The following ZNRF3 variants were observed in gnomAD, a reference collection of about 807,000 sequenced individuals.
ZNRF3 encodes the protein zinc and ring finger 3, also known as E3 ubiquitin-protein ligase ZNRF3.
Under a neutral mutation model 72.5 loss-of-function variants are expected in ZNRF3, and 23 were observed. The ratio of observed to expected loss-of-function variants is 0.32; its 90% CI spans 0.23 to 0.45. The LOEUF (loss-of-function observed/expected upper bound fraction) is 0.45. Among genes scored for constraint, ZNRF3 ranks in the 20% least tolerant of loss-of-function variants. The pLI, the probability that ZNRF3 is intolerant of heterozygous loss-of-function variation, is 1.00. For synonymous variants in ZNRF3, 610 were observed against 545.3 expected, an observed-to-expected ratio of 1.12 and a Z score of -1.65; for missense variants, 1,169 against 1,272.1, an observed-to-expected ratio of 0.92 and a Z score of 1.23.
At chr22:28,995,222 A>G (rs765689767) in intron 2 of ZNRF3, among the ~76,000 whole-genome samples, 6 of 152,076 alleles carry the variant, frequency 3.9e-5, no homozygotes, top group Non-Finnish European at 8.8e-5. Flanking sequence ...TCACGAGGTC[A>G]GGAGAGCCAG....
At chr22:28,974,486 C>T (rs1459041171) in intron 1 of ZNRF3, among the ~76,000 whole-genome samples, 1 of 152,122 alleles carries the variant, frequency 6.6e-6, no homozygotes, top group Non-Finnish European at 1.5e-5. Flanking sequence ...CTGTTCCTTG[C>T]CTGGTGTCCA....
At chr22:28,898,689 T>G (rs2034046093) in intron 1 of ZNRF3, among the ~76,000 whole-genome samples, 1 of 152,224 alleles carries the variant, frequency 6.6e-6, no homozygotes, top group Non-Finnish European at 1.5e-5. Context: ...CCCCCTATAT[T>G]TTTTTCCCTT....
intron 2 of ZNRF3, among the ~76,000 whole-genome samples, chr22:28,988,914 G>A (rs145895077): frequency 2.2e-4 from 33 of 152,248 alleles, no homozygotes; most frequent in Non-Finnish European, 2.2e-4. Flanking sequence ...ATGGTTTAGC[G>A]GTGGGGAAAC....
intron 2 of ZNRF3, among the ~76,000 whole-genome samples, chr22:29,000,781 CT>C (rs2036127659): frequency 6.6e-6 from 1 of 152,078 alleles, no homozygotes; most frequent in Non-Finnish European, 1.5e-5. Flanking sequence ...AAAGGGGGAG[CT>C]GGTGTATCAC....
chr22:28,885,590 T>TAAAAAAAAAAAAAA (rs34201242), intron 1 of ZNRF3, among the ~76,000 whole-genome samples: 1 of 102,744 alleles, frequency 9.7e-6, no homozygotes, highest in African/African-American at 3.5e-5. Context: ...TACAGCCTTC[T>TAAAAAAAAAAAAAA]AAAAAAAAAA....
chr22:29,006,845 G>T (rs1040422910), intron 2 of ZNRF3, among the ~76,000 whole-genome samples: 3 of 152,190 alleles, frequency 2.0e-5, no homozygotes, highest in Non-Finnish European at 4.4e-5. Context: ...CATTTTAAGG[G>T]TAGGTTTTGA....
rs182232176 is a variant in ZNRF3 at position 28,944,785 on chromosome 22, G to A, written c.301-42291G>A. Among the ~76,000 whole-genome samples, 1,208 of 150,582 alleles carry A rather than the reference G, an allele frequency of 8.0e-3. 17 individuals carry two copies. The highest frequency in any genetic ancestry group is 0.026 in the African/African-American group (1,082 of 41,008). ...AAAAAAAAAAAAAAGATTAGCGGGG[G>A]TATGGTGGCACACACCTGTAGTCCC... On this transcript the variant is annotated intron_variant, in intron 1 of 8. Coordinates refer to ENST00000544604, the MANE Select transcript of ZNRF3 (RefSeq NM_001206998.2).
chr22:29,047,715 T>C (rs1276571255), intron 6 of ZNRF3, among the ~76,000 whole-genome samples: 2 of 152,206 alleles, frequency 1.3e-5, no homozygotes, highest in Non-Finnish European at 2.9e-5. Context: ...GCTGGAATAT[T>C]ACTGTACTAG....
At chr22:29,046,433 G>A (rs918435755) in intron 5 of ZNRF3, among the ~76,000 whole-genome samples, 2 of 152,210 alleles carry the variant, frequency 1.3e-5, no homozygotes, top group Non-Finnish European at 2.9e-5. Context: ...GCAGAGTTAG[G>A]AGGCAGCAGG....
Position 29,049,542 on chromosome 22 carries a change from G to C in ZNRF3, c.1361G>C (p.Arg454Pro), listed in dbSNP as rs761341292. The change falls in exon 8 of 9, where the codon CGC (arginine) becomes CCC (proline). Residue 454 changes from arginine (R) to proline (P), a missense_variant. This residue lies in a region of ZNRF3 where 783 missense variants were observed against 731.4 expected (regional missense o/e 1.07). Transcript: ENST00000544604. This position sits in a 1 kb window ranked among gnomAD's most constrained non-coding sequence, Gnocchi z 5.2. ...TTCCGCAGGCCCAAGTTGAGTGGCC[G>C]CAGCTTCTCCAAGGCAGCTTGCTTC... The part of the protein sequence containing the change: ...HPFRRPKLSG[R>P]SFSKAACFSQ... 1 of 1,604,130 alleles carries C rather than the reference G, an allele frequency of 6.2e-7. No individual in the cohort carries two copies. The highest frequency in any genetic ancestry group is 8.5e-7 in the Non-Finnish European group (1 of 1,177,836).
intron 2 of ZNRF3, among the ~76,000 whole-genome samples, chr22:29,003,463 G>A (rs1044876645): frequency 2.7e-5 from 4 of 149,546 alleles, no homozygotes; most frequent in African/African-American, 7.4e-5. Context: ...GCAGTGAGCC[G>A]AGATCGCGCC....
intron 2 of ZNRF3, among the ~76,000 whole-genome samples, chr22:28,988,180 G>T (rs1014927448): frequency 2.0e-5 from 3 of 152,154 alleles, no homozygotes; most frequent in African/African-American, 4.8e-5. Flanking sequence ...CTGGGAGAAA[G>T]GTAGTCTGTC....
At chr22:28,976,095 G>T (rs2035668483) in intron 1 of ZNRF3, among the ~76,000 whole-genome samples, 2 of 152,080 alleles carry the variant, frequency 1.3e-5, no homozygotes, top group East Asian at 3.8e-4. Flanking sequence ...AGTACTTTCT[G>T]CCCCACTTTG....
chr22:28,900,786 T>C (rs1002486415), intron 1 of ZNRF3, among the ~76,000 whole-genome samples: 98 of 152,344 alleles, frequency 6.4e-4, no homozygotes, highest in African/African-American at 2.3e-3. Context: ...GTAACCTCCT[T>C]CCGGGCAGGG....
Position 29,053,562 on chromosome 22 carries a change from TTC to T in ZNRF3, c.2768-9_2768-8del, listed in dbSNP as rs773531608. 3.7e-6 allele frequency: 6 copies of T among 1,613,006 alleles called. No individual in the cohort carries two copies. Among genetic ancestry groups the T allele is most frequent in the East Asian group, 2.2e-5 (1 of 44,862 alleles). On this transcript the variant is annotated splice_polypyrimidine_tract_variant and intron_variant, in intron 8 of 8. Transcript: ENST00000544604. ...TGCCAGCTCCCTCCCCTGATGATTG[TTC>T]TCTCTCTTTCCCAGGACCGAGATCT...
intron 8 of ZNRF3, among the ~76,000 whole-genome samples, chr22:29,053,027 C>T (rs776970087): frequency 1.4e-4 from 22 of 152,076 alleles, no homozygotes; most frequent in Non-Finnish European, 2.5e-4. Context: ...CTCCTGCCAA[C>T]CCATCTGATG....
chr22:29,033,387 C>T (rs1601692611), intron 2 of ZNRF3, among the ~76,000 whole-genome samples: 1 of 140,916 alleles, frequency 7.1e-6, no homozygotes, highest in Non-Finnish European at 1.5e-5. Flanking sequence ...CAATATAGTT[C>T]AACTTAGGAG....
chr22:29,020,356 GT>G (rs1239279665), intron 2 of ZNRF3, among the ~76,000 whole-genome samples: 1 of 148,040 alleles, frequency 6.8e-6, no homozygotes, highest in Non-Finnish European at 1.5e-5. Flanking sequence ...TGCCTCCTGG[GT>G]TCAAGCAATT....
intron 2 of ZNRF3, among the ~76,000 whole-genome samples, chr22:29,015,226 A>G (rs2036411266): frequency 6.6e-6 from 1 of 152,250 alleles, no homozygotes; most frequent in South Asian, 2.1e-4. Context: ...ATAATATGCT[A>G]TGTGATACGA....
Sources: allele counts gnomAD v4.1 joint callset (sites outside exome capture counted in the v4.1 genomes callset), GRCh38; gene constraint gnomAD v4.1.1; regional missense constraint gnomAD v4.1.1; non-coding constraint Gnocchi (gnomAD v3.1); transcripts MANE v1.5; gene names NCBI Gene and HGNC (gene_info 2026-07-23, HGNC 2026-07-21).